The following RDX variants were observed in gnomAD, a reference collection of about 807,000 sequenced individuals.
RDX encodes deafness, autosomal recessive 24.
In RDX, 32 loss-of-function variants were observed where a neutral mutation model predicts 83.7. That is an observed-to-expected ratio of 0.38 (90% confidence interval 0.29 to 0.51). The LOEUF (loss-of-function observed/expected upper bound fraction) is 0.51. RDX is among the 20% of genes least tolerant of loss of function. The pLI is 0.87. For missense variants in RDX, 600 were observed against 689.9 expected, an observed-to-expected ratio of 0.87 and a Z score of 1.46; for synonymous variants, 229 against 222.7, an observed-to-expected ratio of 1.03 and a Z score of -0.25.
At chr11:110,267,961 A>AG (rs1860128714) in intron 3 of RDX, among the ~76,000 whole-genome samples, 1 of 151,838 alleles carries the variant, frequency 6.6e-6, no homozygotes, top group South Asian at 2.1e-4. Context: ...CTGAAAAAAA[A>AG]GAAAAAAAAA....
intron 2 of RDX, among the ~76,000 whole-genome samples, chr11:110,277,341 G>C (rs1860561643): frequency 6.6e-6 from 1 of 151,740 alleles, no homozygotes; most frequent in Non-Finnish European, 1.5e-5. Context: ...GTTTTTTTGA[G>C]ACAAGCCTCA....
At chr11:110,244,537 G>A (rs1865232501) in intron 10 of RDX, among the ~76,000 whole-genome samples, 1 of 152,044 alleles carries the variant, frequency 6.6e-6, no homozygotes, top group Non-Finnish European at 1.5e-5. Flanking sequence ...AAAGATTCGT[G>A]GTTGTCTACA....
At chr11:110,221,213 T>C (rs923439815) in intron 14 of RDX, among the ~76,000 whole-genome samples, 6 of 152,220 alleles carry the variant, frequency 3.9e-5, no homozygotes, top group African/African-American at 1.2e-4. Flanking sequence ...GTTTCTTCTA[T>C]GTTATTAACA....
intron 14 of RDX, among the ~76,000 whole-genome samples, chr11:110,214,234 GA>G (rs1166891980): frequency 2.0e-5 from 3 of 149,886 alleles, no homozygotes; most frequent in Non-Finnish European, 4.4e-5. Context: ...AAAAACACAT[GA>G]AAAAATGCTC....
chr11:110,259,190 G>A (rs886514584), intron 5 of RDX, among the ~76,000 whole-genome samples: 3 of 152,008 alleles, frequency 2.0e-5, no homozygotes, highest in Admixed American at 1.3e-4. Flanking sequence ...CACCTGCCTC[G>A]ACCTCCCAAA....
At chr11:110,248,133 G>A (rs1333929909) in intron 9 of RDX, among the ~76,000 whole-genome samples, 1 of 152,090 alleles carries the variant, frequency 6.6e-6, no homozygotes, top group Non-Finnish European at 1.5e-5. Flanking sequence ...TGGGTATAGT[G>A]TACATTGCTC....
chr11:110,290,492 A>G (rs1861192341), intron 1 of RDX, among the ~76,000 whole-genome samples: 1 of 149,982 alleles, frequency 6.7e-6, no homozygotes, highest in Admixed American at 6.7e-5. Flanking sequence ...GGCCTGGGCA[A>G]CAGAGACAGT....
chr11:110,272,668 G>A (rs763285744), intron 2 of RDX, 49 bp from the exon 3 acceptor site: 6 of 1,242,474 alleles, frequency 4.8e-6, no homozygotes, highest in East Asian at 2.5e-5. Context: ...GTTATTAGGC[G>A]TGAGAAAACT....
chr11:110,294,482 C>G (rs950377328), intron 1 of RDX, among the ~76,000 whole-genome samples: 2 of 151,996 alleles, frequency 1.3e-5, no homozygotes, highest in African/African-American at 4.8e-5. Context: ...CTAAAGTGAC[C>G]TTGATGGACA....
intron 2 of RDX, among the ~76,000 whole-genome samples, chr11:110,273,943 T>C (rs1484925779): frequency 6.6e-6 from 1 of 152,228 alleles, no homozygotes; most frequent in Non-Finnish European, 1.5e-5. Context: ...CATCAGCCTG[T>C]AGGTTTACTG....
Position 110,294,066 on chromosome 11 carries a change from T to G in RDX, c.-65+2401A>C, listed in dbSNP as rs548118490. On this transcript the variant is annotated intron_variant, in intron 1 of 13. Transcript: ENST00000645495. Reference sequence around the variant, plus strand: ...ATAAAAATATATAAAGACTTTCACTTCAACAGCCTGCCAAAGATAAAAAAT... The same window carrying G: ...ATAAAAATATATAAAGACTTTCACTGCAACAGCCTGCCAAAGATAAAAAAT... 2.0e-5 allele frequency among the ~76,000 whole-genome samples: 3 copies of G among 152,346 alleles called. 1 individual carries two copies. In the South Asian group the frequency reaches 6.2e-4, roughly 32 times the overall value.
rs146902233 is a variant in RDX, at chr11:110,287,415, C to T, written c.-64-7659G>A. ...ACTGTACTGCTAATGCTAATGTTGT[C>T]TATACTCATAACAAGAAAATGTAAA... On this transcript the variant is annotated intron_variant, in intron 1 of 13. Coordinates refer to ENST00000645495, the MANE Select transcript of RDX (RefSeq NM_002906.4). Among the ~76,000 whole-genome samples, 135 of 152,278 alleles carry T rather than the reference C, an allele frequency of 8.9e-4. No homozygotes were observed. The East Asian group carries it at 0.024, about 27-fold the overall frequency.
rs1390968704 is a variant in RDX, at chr11:110,231,324, T to C, written c.*545A>G. 1 of 158,322 alleles carries C rather than the reference T, an allele frequency of 6.3e-6. No homozygotes were observed. Among genetic ancestry groups the C allele is most frequent in the African/African-American group, 2.4e-5 (1 of 40,914 alleles). The allele number at this position is 158,322 out of a possible 1,614,324, so 9.8% of individuals were successfully genotyped here. A position where few individuals can be genotyped will look rare whatever the true frequency, so the allele number is the denominator to read the frequency against. ...ATCTCTTTCCTGATTCATAGCCATA[T>C]TCTACATGATGATCAAAGACTGTCC... On this transcript the variant is annotated 3_prime_UTR_variant, in exon 14 of 14. Coordinates refer to ENST00000645495, the MANE Select transcript of RDX (RefSeq NM_002906.4).
intron 3 of RDX, among the ~76,000 whole-genome samples, chr11:110,269,644 G>C (rs1860214776): frequency 6.6e-6 from 1 of 151,388 alleles, no homozygotes; most frequent in Non-Finnish European, 1.5e-5. Context: ...TTGAGTTCAA[G>C]GAAAGTTCAT....
rs779545861 is a variant in RDX at position 110,178,933 on chromosome 11, C to T, written c.*32-3699G>A. Among the ~76,000 whole-genome samples the T allele has an allele frequency of 7.2e-5, 11 of 152,200 alleles. 1 individual carries two copies. Among genetic ancestry groups the T allele is most frequent in the Non-Finnish European group, 1.5e-4 (10 of 68,042 alleles). On this transcript the variant is annotated intron_variant, in intron 15 of 15. Transcript: ENST00000528498. ...GTTTGTACTCTACATTGATCCCTGCCACCAGCCCTGCTGATTTCGTTACAC... is the reference window on the plus strand; with the variant it reads ...GTTTGTACTCTACATTGATCCCTGCTACCAGCCCTGCTGATTTCGTTACAC...
chr11:110,279,898 A>G (rs991107220), intron 1 of RDX, 142 bp from the exon 2 acceptor site: 8 of 519,786 alleles, frequency 1.5e-5, no homozygotes, highest in Non-Finnish European at 2.7e-5. Flanking sequence ...CATTTTCAAT[A>G]TCTTCTACTA....
At chr11:110,282,914 C>T (rs1481143113) in intron 1 of RDX, among the ~76,000 whole-genome samples, 2 of 152,082 alleles carry the variant, frequency 1.3e-5, no homozygotes, top group African/African-American at 4.8e-5. Context: ...AAGTTTGAGG[C>T]TGCAGTGAGT....
intron 1 of RDX, among the ~76,000 whole-genome samples, chr11:110,296,119 G>A (rs1861445893): frequency 6.6e-6 from 1 of 152,218 alleles, no homozygotes; most frequent in Non-Finnish European, 1.5e-5. Context: ...CCGTCCCCAG[G>A]GCGCTGGGGG....
At chr11:110,233,606 CCT>C in intron 12 of RDX, 127 bp from the exon 13 acceptor site, 1 of 940,332 alleles carries the variant, frequency 1.1e-6, no homozygotes. Context: ...ATTTATGAAA[CCT>C]CTATTTTCAT....
Sources: allele counts gnomAD v4.1 joint callset (sites outside exome capture counted in the v4.1 genomes callset), GRCh38; gene constraint gnomAD v4.1.1; transcripts MANE v1.5; gene names NCBI Gene and HGNC (gene_info 2026-07-23, HGNC 2026-07-21).